PREX2: variants seen among roughly 807,000 people sequenced by gnomAD.
PREX2 encodes phosphatidylinositol 3,4,5-trisphosphate-dependent Rac exchanger 2 protein.
Under a neutral mutation model 203.2 loss-of-function variants are expected in PREX2, and 107 were observed. That is an observed-to-expected ratio of 0.53 (90% CI 0.45 to 0.62). The LOEUF is 0.62. PREX2 is among the 20% of genes least tolerant of loss of function. The probability of loss-of-function intolerance (pLI) is 0.00; values close to 1 mark genes in which losing one functional copy is unlikely to be tolerated. For missense variants in PREX2, 1,777 were observed against 1,955.9 expected, an observed-to-expected ratio of 0.91 and a Z score of 1.72; for synonymous variants, 672 against 663.6, an observed-to-expected ratio of 1.01 and a Z score of -0.19.
intron 26 of PREX2, 119 bp downstream of exon 26, chr8:68,116,051 A>G (rs1810651799): frequency 1.2e-6 from 1 of 816,778 alleles, no homozygotes; most frequent in Admixed American, 2.6e-5. Context: ...CTTTCACAAT[A>G]ATCACCTGTT....
At chr8:68,178,940 AT>A (rs1563576443) in intron 35 of PREX2, among the ~76,000 whole-genome samples, 1 of 152,202 alleles carries the variant, frequency 6.6e-6, no homozygotes, top group Non-Finnish European at 1.5e-5. Context: ...TTAAACTATC[AT>A]TTTTAAAAGT....
chr8:68,101,432 T>C lies in PREX2; in HGVS notation c.2715+1589T>C, dbSNP rs764063078. ...GAAGAAAACTAATATTCAGGGTTGCTGGTTACCTGCCACATTTGTTAATCT... is the reference window on the plus strand; with the variant it reads ...GAAGAAAACTAATATTCAGGGTTGCCGGTTACCTGCCACATTTGTTAATCT... On this transcript the variant is annotated intron_variant, in intron 23 of 39. Coordinates refer to ENST00000288368, the MANE Select transcript of PREX2 (RefSeq NM_024870.4). 1.7e-5 allele frequency: 9 copies of C among 518,974 alleles called. No individual in the cohort carries two copies. In the East Asian group the frequency reaches 4.9e-4, roughly 28 times the overall value. The allele number at this position is 518,974 out of a possible 1,614,324, so 32.1% of individuals were successfully genotyped here.
At chr8:68,086,538 C>T (rs7004495) in intron 18 of PREX2, among the ~76,000 whole-genome samples, 1 of 151,872 alleles carries the variant, frequency 6.6e-6, no homozygotes, top group African/African-American at 2.4e-5. Flanking sequence ...CAATTTATTG[C>T]GTTGTATTCA....
At chr8:68,053,364 G>A (rs535741783) in intron 9 of PREX2, 118 bp downstream of exon 9, 1 of 1,101,896 alleles carries the variant, frequency 9.1e-7, no homozygotes, top group African/African-American at 1.6e-5. Flanking sequence ...GATTTATTAG[G>A]TTGGTGCAAA....
chr8:68,067,661 A>G (rs1296593664), intron 11 of PREX2, among the ~76,000 whole-genome samples: 1 of 152,030 alleles, frequency 6.6e-6, no homozygotes, highest in East Asian at 1.9e-4. Flanking sequence ...AGTTCATGCC[A>G]TCTACAAATA....
At chr8:68,115,021 C>CTTTTTTTTTTTTTTTTTTTTTTTT (rs5892137) in intron 25 of PREX2, among the ~76,000 whole-genome samples, 7 of 86,864 alleles carry the variant, frequency 8.1e-5, no homozygotes, top group East Asian at 3.7e-4. Flanking sequence ...TCTTTTCTTT[C>CTTTTTTTTTTTTTTTTTTTTTTTT]TTTTTTTTTT....
At chr8:68,209,929 GA>G (rs751029972) in intron 37 of PREX2, among the ~76,000 whole-genome samples, 4 of 152,092 alleles carry the variant, frequency 2.6e-5, no homozygotes, top group Non-Finnish European at 4.4e-5. Flanking sequence ...TTACTAACAG[GA>G]AATTCTTCTG....
intron 1 of PREX2, 112 bp downstream of exon 1, chr8:67,952,647 C>T: frequency 7.0e-7 from 1 of 1,434,330 alleles, no homozygotes; most frequent in Non-Finnish European, 9.6e-7. Context: ...CGGGACGGGT[C>T]GGGGCATCAC....
At chr8:68,189,058 A>G (rs954295243) in intron 35 of PREX2, among the ~76,000 whole-genome samples, 2 of 152,214 alleles carry the variant, frequency 1.3e-5, no homozygotes, top group Non-Finnish European at 2.9e-5. Flanking sequence ...GAATAGGTGA[A>G]CAGGAGGCTT....
At chr8:67,960,936 C>A (rs771516154) in intron 1 of PREX2, among the ~76,000 whole-genome samples, 1 of 149,762 alleles carries the variant, frequency 6.7e-6, no homozygotes, top group South Asian at 2.2e-4. Flanking sequence ...CAAGTAGAGA[C>A]GTAAGCACTT....
At chr8:67,991,322 C>A (rs1806599462) in intron 1 of PREX2, among the ~76,000 whole-genome samples, 1 of 152,108 alleles carries the variant, frequency 6.6e-6, no homozygotes, top group African/African-American at 2.4e-5. Flanking sequence ...ATAAAACACT[C>A]ATGGGGCAAG....
At chr8:68,184,919 A>G (rs1455016801) in intron 35 of PREX2, among the ~76,000 whole-genome samples, 1 of 152,170 alleles carries the variant, frequency 6.6e-6, no homozygotes, top group African/African-American at 2.4e-5. Flanking sequence ...GCTTAACCCT[A>G]TTGAGCTAGG....
chr8:68,095,513 ATAC>A (rs1226872713), intron 21 of PREX2, among the ~76,000 whole-genome samples: 4 of 144,150 alleles, frequency 2.8e-5, no homozygotes, highest in Middle Eastern at 3.4e-3. Flanking sequence ...ACATACATAC[ATAC>A]ATACATACAT....
chr8:68,127,563 T>G (rs1431368289), intron 31 of PREX2, 144 bp downstream of exon 31: 3 of 502,852 alleles, frequency 6.0e-6, no homozygotes, highest in African/African-American at 2.0e-5. Flanking sequence ...TTGGAAAGAT[T>G]AGAAAAAGTA....
rs1009807849 is a variant in PREX2, at chr8:68,192,256, C to A, written c.4414-79C>A. ...AAATGAAATAAAATTTTAGACTATTCTTTAACAGCTATACCAACCTATCTA... is the reference window on the plus strand; with the variant it reads ...AAATGAAATAAAATTTTAGACTATTATTTAACAGCTATACCAACCTATCTA... On this transcript the variant is annotated intron_variant, in intron 36 of 39. Transcript: ENST00000288368. 20 of 1,105,434 alleles carry A rather than the reference C, an allele frequency of 1.8e-5. No homozygotes were observed. In the African/African-American group the frequency reaches 2.7e-4, roughly 15 times the overall value. The allele number at this position is 1,105,434 out of a possible 1,614,324, so 68.5% of individuals were successfully genotyped here.
rs371174171 is a variant in PREX2, at chr8:68,194,146, G to T, written c.4604+1621G>T. Among the ~76,000 whole-genome samples the T allele has an allele frequency of 7.1e-4, 108 of 152,266 alleles. 2 individuals carry two copies. Among genetic ancestry groups the T allele is most frequent in the Non-Finnish European group, 1.3e-3 (88 of 68,020 alleles). On this transcript the variant is annotated intron_variant, in intron 37 of 39. Transcript: ENST00000288368. ...TGATAAGCTTATGTTCATATGGTCT[G>T]TTCCTATTCATTCATTCATTATTCA...
chr8:68,188,749 G>A (rs1812238694), intron 35 of PREX2, among the ~76,000 whole-genome samples: 1 of 152,048 alleles, frequency 6.6e-6, no homozygotes, highest in African/African-American at 2.4e-5. Context: ...GAACAGTATG[G>A]GGGAAACAAC....
intron 34 of PREX2, among the ~76,000 whole-genome samples, chr8:68,153,663 AAAC>A (rs1811487809): frequency 6.6e-6 from 1 of 152,198 alleles, no homozygotes; most frequent in Non-Finnish European, 1.5e-5. Flanking sequence ...AACAATAAAT[AAAC>A]AAGTTGTTTA....
intron 33 of PREX2, among the ~76,000 whole-genome samples, chr8:68,139,299 G>C (rs1442812737): frequency 6.6e-6 from 1 of 152,158 alleles, no homozygotes; most frequent in Non-Finnish European, 1.5e-5. Flanking sequence ...GCCCTGAAAA[G>C]GTTGAGGGAG....
Sources: gnomAD v4.1 joint callset for allele counts (sites outside exome capture counted in the v4.1 genomes callset) on GRCh38, gnomAD v4.1.1 for gene constraint, MANE v1.5 for transcripts, NCBI Gene and HGNC (gene_info 2026-07-23, HGNC 2026-07-21) for gene names.